The following AFF2 variants were observed in gnomAD, a reference collection of about 807,000 sequenced individuals.
AFF2 encodes AF4/FMR2 family member 2.
AFF2 carries 14 observed loss-of-function variants against 76.9 expected under a neutral mutation model. The ratio of observed to expected loss-of-function variants is 0.18; its 90% confidence interval spans 0.12 to 0.28. The LOEUF is 0.28. Among genes scored for constraint, AFF2 ranks in the 10% least tolerant of loss-of-function variants. The pLI, the probability that AFF2 is intolerant of heterozygous loss-of-function variation, is 1.00. For synonymous variants in AFF2, 398 were observed against 366.7 expected, an observed-to-expected ratio of 1.09 and a Z score of -0.98; for missense variants, 868 against 1,001.1, an observed-to-expected ratio of 0.87 and a Z score of 1.79.
intron 3 of AFF2, among the ~76,000 whole-genome samples, chrX:148,785,051 T>TCC (rs1464360872): frequency 9.0e-6 from 1 of 110,992 alleles, no homozygotes; most frequent in Non-Finnish European, 1.9e-5. Context: ...CTTCTCTTGC[T>TCC]CCCCCCCTTC....
intron 19 of AFF2, among the ~76,000 whole-genome samples, chrX:148,986,164 G>A (rs1217689082): frequency 1.8e-5 from 2 of 110,883 alleles, no homozygotes; most frequent in Non-Finnish European, 3.8e-5. Flanking sequence ...TGTGTTCAGA[G>A]GAATAATGAA....
At chrX:148,958,071 G>T (rs1372925522) in intron 11 of AFF2, among the ~76,000 whole-genome samples, 2 of 111,599 alleles carry the variant, frequency 1.8e-5, no homozygotes, top group Non-Finnish European at 3.8e-5. Flanking sequence ...TACTTTTGTT[G>T]TGAGATTCCC....
chrX:148,835,588 G>A (rs782779401), intron 4 of AFF2, among the ~76,000 whole-genome samples: 16 of 105,394 alleles, frequency 1.5e-4, no homozygotes, highest in African/African-American at 5.6e-4. Context: ...AGGTTCAAGC[G>A]ATTCTCCTGC....
intron 19 of AFF2, among the ~76,000 whole-genome samples, chrX:148,983,357 C>T (rs1197840759): frequency 8.9e-6 from 1 of 111,773 alleles, no homozygotes; most frequent in Non-Finnish European, 1.9e-5. Context: ...TCTCTGGGCT[C>T]TGTGGCCCTC....
chrX:148,800,208 A>C (rs1463644565), intron 3 of AFF2, among the ~76,000 whole-genome samples: 1 of 112,169 alleles, frequency 8.9e-6, no homozygotes, highest in Non-Finnish European at 1.9e-5. Flanking sequence ...AAAGAAGAGC[A>C]ATTGTAACTC....
chrX:148,782,081 C>T (rs868939519), intron 3 of AFF2, among the ~76,000 whole-genome samples: 12 of 111,310 alleles, frequency 1.1e-4, no homozygotes, highest in Admixed American at 2.8e-4. Context: ...AATCACCTGC[C>T]TTCTGCATTG....
chrX:148,657,468 C>T (rs781971709), intron 2 of AFF2, among the ~76,000 whole-genome samples: 1 of 112,189 alleles, frequency 8.9e-6, no homozygotes, highest in East Asian at 2.8e-4. Context: ...TACTATGGTA[C>T]AATAGCCTCC....
intron 3 of AFF2, among the ~76,000 whole-genome samples, chrX:148,687,706 C>T (rs1363631847): frequency 9.1e-6 from 1 of 109,965 alleles, no homozygotes; most frequent in Non-Finnish European, 1.9e-5. Flanking sequence ...TGTAGTACAA[C>T]CAAGGATGTC....
At chrX:148,561,015 A>G (rs2053106723) in intron 1 of AFF2, among the ~76,000 whole-genome samples, 1 of 111,366 alleles carries the variant, frequency 9.0e-6, no homozygotes, top group African/African-American at 3.3e-5. Context: ...CATATTTTTT[A>G]TGTATTTGAA....
rs782652979 is a variant in AFF2, at chrX:148,925,012, G to A, written c.1397+20754G>A. Among the ~76,000 whole-genome samples the A allele has an allele frequency of 1.5e-4, 17 of 112,466 alleles. 1 individual carries two copies. Among genetic ancestry groups the A allele is most frequent in the Admixed American group, 9.4e-4 (10 of 10,653 alleles). ...ACAGTAATAAAAAGTAAATCTGCAT[G>A]ATATTAGATCAGATTATTTTAATGA... On this transcript the variant is annotated intron_variant, in intron 9 of 20. Coordinates refer to ENST00000370460, the MANE Select transcript of AFF2 (RefSeq NM_002025.4).
intron 1 of AFF2, among the ~76,000 whole-genome samples, chrX:148,522,735 A>G (rs1434006315): frequency 8.9e-6 from 1 of 112,256 alleles, no homozygotes; most frequent in Non-Finnish European, 1.9e-5. Flanking sequence ...CAAGAGTGGT[A>G]TCACAAAACC....
chrX:148,537,846 A>G (rs1352359380), intron 1 of AFF2, among the ~76,000 whole-genome samples: 1 of 112,073 alleles, frequency 8.9e-6, no homozygotes, highest in East Asian at 2.8e-4. Flanking sequence ...GGTTAGGGAG[A>G]AGCAGAAATG....
chrX:148,876,424 A>T (rs1409833386), intron 7 of AFF2, among the ~76,000 whole-genome samples: 4 of 111,199 alleles, frequency 3.6e-5, no homozygotes, highest in African/African-American at 1.3e-4. Context: ...GTCTCTGAGG[A>T]CTCTGAATAT....
chrX:148,528,733 GAAAC>G (rs1431475951), intron 1 of AFF2, among the ~76,000 whole-genome samples: 1 of 111,487 alleles, frequency 9.0e-6, no homozygotes, highest in South Asian at 3.7e-4. Context: ...ATTTCTAAAA[GAAAC>G]AATCCGTTCT....
At chrX:148,861,326 A>G (rs996396702) in intron 7 of AFF2, among the ~76,000 whole-genome samples, 1 of 112,293 alleles carries the variant, frequency 8.9e-6, no homozygotes, top group Non-Finnish European at 1.9e-5. Context: ...TCTATCAATT[A>G]TGTGTATGTG....
At chrX:148,954,749 T>A (rs12010724) in intron 10 of AFF2, among the ~76,000 whole-genome samples, 11,839 of 111,676 alleles carry the variant, frequency 0.11, 965 homozygotes, top group African/African-American at 0.28. Context: ...CCACAGTGGC[T>A]GCTGATACAA....
At chrX:148,711,546 A>T (rs1557262919) in intron 3 of AFF2, among the ~76,000 whole-genome samples, 1 of 112,250 alleles carries the variant, frequency 8.9e-6, no homozygotes. Context: ...ATGAATTTTC[A>T]AGTAAATGTA....
At chrX:148,761,228 C>G (rs1053809321) in intron 3 of AFF2, among the ~76,000 whole-genome samples, 1 of 111,581 alleles carries the variant, frequency 9.0e-6, no homozygotes. Flanking sequence ...TAGCTTTGAC[C>G]AGAATGGAAA....
intron 1 of AFF2, among the ~76,000 whole-genome samples, chrX:148,507,803 C>G (rs2052436959): frequency 8.9e-6 from 1 of 111,887 alleles, no homozygotes; most frequent in South Asian, 3.7e-4. Context: ...CGTCTAACAT[C>G]TACCTACTTA....
Sources: gnomAD v4.1 joint callset for allele counts (sites outside exome capture counted in the v4.1 genomes callset) on GRCh38, gnomAD v4.1.1 for gene constraint, MANE v1.5 for transcripts, NCBI Gene and HGNC (gene_info 2026-07-23, HGNC 2026-07-21) for gene names.